NOL4L: variants seen among roughly 807,000 people sequenced by gnomAD.
NOL4L encodes nucleolar protein 4-like.
A neutral mutation model predicts 64.5 loss-of-function variants in NOL4L; 7 were observed. The ratio of observed to expected loss-of-function variants is 0.11; its 90% confidence interval spans 0.06 to 0.20. The LOEUF (loss-of-function observed/expected upper bound fraction) is 0.20, where lower values mean the gene tolerates loss of function less well. Ranked by LOEUF, NOL4L falls within the 10% of genes least tolerant of loss-of-function variation. The pLI is 1.00. For missense variants in NOL4L, 680 were observed against 967.1 expected, an observed-to-expected ratio of 0.70 and a Z score of 3.94; for synonymous variants, 413 against 401.0, an observed-to-expected ratio of 1.03 and a Z score of -0.36.
intron 5 of NOL4L, among the ~76,000 whole-genome samples, chr20:32,468,914 A>AT (rs1180463750): frequency 7.0e-6 from 1 of 142,488 alleles, no homozygotes; most frequent in East Asian, 2.1e-4. Context: ...AAAAAAAAAA[A>AT]AAAAAAGAAA....
chr20:32,473,776 C>T (rs1040012224), intron 5 of NOL4L, among the ~76,000 whole-genome samples: 1 of 152,204 alleles, frequency 6.6e-6, no homozygotes, highest in Non-Finnish European at 1.5e-5. Context: ...CTCCTAATTG[C>T]TGGCTCCGGC....
In NOL4L at chr20:32,448,166, A is replaced by C. The variant is rs538187969; in HGVS notation, c.1823-350T>G. 1.4e-3 allele frequency among the ~76,000 whole-genome samples: 220 copies of C among 152,290 alleles called. 1 individual carries two copies. Among genetic ancestry groups the C allele is most frequent in the Admixed American group, 2.2e-3 (34 of 15,298 alleles). ...ACTTCCATTGAGGAACTGTGGGACA[A>C]GTGCTAAAAGAAAGCCTCTGCCAGT... On this transcript the variant is annotated intron_variant, in intron 10 of 10. Coordinates refer to ENST00000621426, the MANE Select transcript of NOL4L (RefSeq NM_001256798.2).
Position 32,456,257 on chromosome 20 carries a change from G to T in NOL4L, c.980C>A (p.Ala327Asp). Residue 327 changes from alanine to aspartate, a missense_variant, in exon 6 of 11, where the codon GCC (alanine) becomes GAC (aspartate). This residue lies in a region of NOL4L where 254 missense variants were observed against 238.7 expected (regional missense o/e 1.06). Transcript: ENST00000621426. The part of the protein sequence containing the change: ...GAVAPMDFTT[A>D]AEDQPINLCD... ...CAGGTTGATGGGCTGATCCTCGGCG[G>T]CCGTGGTGAAGTCCATGGGGGCCAC... 3 of 1,605,606 alleles carry T rather than the reference G, an allele frequency of 1.9e-6. No homozygotes were observed. Among genetic ancestry groups the T allele is most frequent in the Non-Finnish European group, 2.6e-6 (3 of 1,176,150 alleles).
At position 32,452,408 on chromosome 20, in the gene NOL4L, G is replaced by A. The variant is rs752710529; in HGVS notation, c.1650C>T (p.His550=). Residue 550 remains histidine, a synonymous_variant, in exon 10 of 11, where the codon CAC becomes CAT. Coordinates refer to ENST00000621426, the MANE Select transcript of NOL4L (RefSeq NM_001256798.2). ...QDEPIALDKQ[H]SRDSAAITHS... ...GGGTGATGGCTGCGGAGTCCCGCGA[G>A]TGCTGCTTGTCCAGGGCTATGGGCT... 6 of 1,609,070 alleles carry A rather than the reference G, an allele frequency of 3.7e-6. No homozygotes were observed. The highest frequency in any genetic ancestry group is 1.7e-5 in the Admixed American group (1 of 59,624).
At chr20:32,529,510 C>T (rs1600839053) in intron 1 of NOL4L, among the ~76,000 whole-genome samples, 2 of 152,200 alleles carry the variant, frequency 1.3e-5, no homozygotes, top group Middle Eastern at 3.4e-3. Context: ...AGGTGACGCT[C>T]GCTCACAACA....
chr20:32,484,986 T>C lies in NOL4L; in HGVS notation c.700-10244A>G, dbSNP rs2015993947. ...AATCCAGACCCTCCGCTACCACAGATCAGCCTCGAAAAAAGCTTGTGCTTC... is the reference window on the plus strand; with the variant it reads ...AATCCAGACCCTCCGCTACCACAGACCAGCCTCGAAAAAAGCTTGTGCTTC... On this transcript the variant is annotated intron_variant, in intron 4 of 10. Transcript: ENST00000621426. Among the ~76,000 whole-genome samples, 3 of 131,478 alleles carry C rather than the reference T, an allele frequency of 2.3e-5. No individual in the cohort carries two copies. The Admixed American group carries it at 2.7e-4, about 12-fold the overall frequency. The allele number at this position is 131,478 out of a possible 152,430, so 86.3% of individuals were successfully genotyped here. A position where few individuals can be genotyped will look rare whatever the true frequency, so the allele number is the denominator to read the frequency against.
Position 32,456,282 on chromosome 20 carries a change from C to T in NOL4L, c.955G>A (p.Val319Met), listed in dbSNP as rs547120638. ...GCCGTGGTGAAGTCCATGGGGGCCA[C>T]GGCGCCGTTGCCATTCATCTCGGGG... ...AFPEMNGNGA[V>M]APMDFTTAAE... Residue 319 changes from valine to methionine, a missense_variant, in exon 6 of 11, where the codon GTG (valine) becomes ATG (methionine). Physicochemically the swap from Val to Met is conservative, Grantham distance 21 (BLOSUM62 1). Coordinates refer to ENST00000621426, the MANE Select transcript of NOL4L (RefSeq NM_001256798.2). 2.1e-5 allele frequency: 33 copies of T among 1,587,184 alleles called. No homozygotes were observed. The highest frequency in any genetic ancestry group is 3.4e-5 in the South Asian group (3 of 87,894).
intron 1 of NOL4L, among the ~76,000 whole-genome samples, chr20:32,571,263 T>C (rs146126009): frequency 0.022 from 3,386 of 152,256 alleles, 56 homozygotes; most frequent in Non-Finnish European, 0.034. Flanking sequence ...TCTTGGCTCA[T>C]TGCAACCTCC....
intron 4 of NOL4L, among the ~76,000 whole-genome samples, chr20:32,495,884 G>A (rs1233036347): frequency 6.6e-6 from 1 of 152,144 alleles, no homozygotes; most frequent in Non-Finnish European, 1.5e-5. Context: ...TTGAGCTCAG[G>A]AGGTCAAGGC....
At chr20:32,511,800 T>G (rs2145557352) in intron 3 of NOL4L, among the ~76,000 whole-genome samples, 1 of 152,014 alleles carries the variant, frequency 6.6e-6, no homozygotes, top group South Asian at 2.1e-4. Flanking sequence ...GCCCCAGGAG[T>G]TCGAGACCAG....
At chr20:32,488,802 T>A (rs61010082) in intron 4 of NOL4L, among the ~76,000 whole-genome samples, 1 of 31,726 alleles carries the variant, frequency 3.2e-5, no homozygotes, top group African/African-American at 2.1e-4. Flanking sequence ...TTTCTTTCTT[T>A]CTTTTTCTTT....
intron 1 of NOL4L, among the ~76,000 whole-genome samples, chr20:32,557,735 GAA>G (rs1323572775): frequency 1.3e-5 from 2 of 152,214 alleles, no homozygotes; most frequent in Non-Finnish European, 2.9e-5. Context: ...CTGGGGGAAA[GAA>G]AAAGTTTGTA....
chr20:32,499,375 C>T (rs897903726), intron 4 of NOL4L, among the ~76,000 whole-genome samples: 1 of 152,080 alleles, frequency 6.6e-6, no homozygotes, highest in African/African-American at 2.4e-5. Flanking sequence ...CTCATGTGGT[C>T]AGATCAGTGG....
At chr20:32,562,948 GA>G (rs1979137751) in intron 1 of NOL4L, among the ~76,000 whole-genome samples, 1 of 64,526 alleles carries the variant, frequency 1.5e-5, no homozygotes. Flanking sequence ...GGGTGGAGGG[GA>G]GGGAGGGTGG....
intron 3 of NOL4L, among the ~76,000 whole-genome samples, chr20:32,516,594 AC>A (rs1186567457): frequency 6.6e-6 from 1 of 152,078 alleles, no homozygotes; most frequent in African/African-American, 2.4e-5. Context: ...CCACACACAC[AC>A]TCTGGTTAGA....
chr20:32,520,750 C>T, intron 3 of NOL4L, 61 bp downstream of exon 3: 1 of 1,067,532 alleles, frequency 9.4e-7, no homozygotes. Flanking sequence ...CTGGCGTCTT[C>T]AGGGACAGTC....
intron 4 of NOL4L, among the ~76,000 whole-genome samples, chr20:32,488,798 T>TTCCTTCCTTC (rs1568648049): frequency 1.7e-4 from 7 of 41,086 alleles, no homozygotes; most frequent in African/African-American, 7.7e-4. Context: ...TTCCTTTCTT[T>TTCCTTCCTTC]CTTTCTTTTT....
At chr20:32,488,817 CTTTCTTTCTTTTT>C (rs1568648566) in intron 4 of NOL4L, among the ~76,000 whole-genome samples, 39 of 23,944 alleles carry the variant, frequency 1.6e-3, no homozygotes, top group Middle Eastern at 0.023. Flanking sequence ...TTCTTTCTTT[CTTTCTTTCTTTTT>C]CTTTCTTTCT....
Position 32,453,779 on chromosome 20 carries a change from G to T in NOL4L, c.1120-18C>A, listed in dbSNP as rs1291382176. The T allele has an allele frequency of 6.3e-5, 97 of 1,550,840 alleles. No individual in the cohort carries two copies. Among genetic ancestry groups the T allele is most frequent in the Non-Finnish European group, 7.9e-5 (90 of 1,146,460 alleles). ...GGGGGGGACTAAAAGGAGGGCAAGA[G>T]GCAGAGGGTTGGGCCAAGCAGCTGC... is the stretch of plus-strand genomic sequence containing the variant. On this transcript the variant is annotated intron_variant, in intron 6 of 10. Transcript: ENST00000621426. This position sits in a 1 kb window ranked among gnomAD's most constrained non-coding sequence, Gnocchi z 5.6.
Sources: gnomAD v4.1 joint callset for allele counts (sites outside exome capture counted in the v4.1 genomes callset) on GRCh38, gnomAD v4.1.1 for gene constraint, gnomAD v4.1.1 regional missense constraint, Gnocchi (gnomAD v3.1) non-coding constraint, MANE v1.5 for transcripts, NCBI Gene and HGNC (gene_info 2026-07-23, HGNC 2026-07-21) for gene names.